Variants in TACC2 observed in about 807,000 individuals in gnomAD.
TACC2 encodes the protein transforming acidic coiled-coil containing protein 2.
A neutral mutation model predicts 227.3 loss-of-function variants in TACC2; 137 were observed. The observed-to-expected ratio is 0.60, with a 90% CI of 0.52 to 0.69. TACC2 has a LOEUF of 0.69. TACC2 is among the 30% of genes least tolerant of loss of function. TACC2 has a pLI of 0.00. For synonymous variants in TACC2, 1,523 were observed against 1,487.5 expected (o/e 1.02, Z -0.55); for missense variants, 3,470 against 3,694.4 (o/e 0.94, Z 1.57).
chr10:122,157,841 A>T (rs1309472588), intron 7 of TACC2, among the ~76,000 whole-genome samples: 2 of 121,132 alleles, frequency 1.7e-5, no homozygotes, highest in African/African-American at 6.2e-5. Flanking sequence ...TGGTGTGTTT[A>T]AAAAAAAAAG....
At chr10:122,215,542 C>A in intron 10 of TACC2, 91 bp downstream of exon 10, 1 of 1,114,924 alleles carries the variant, frequency 9.0e-7, no homozygotes, top group Non-Finnish European at 1.4e-6. Flanking sequence ...CTGCTCATCC[C>A]GGGCCTGTTT....
At chr10:122,048,539 T>C (rs72839677) in intron 2 of TACC2, among the ~76,000 whole-genome samples, 12,117 of 151,380 alleles carry the variant, frequency 0.08, 686 homozygotes, top group African/African-American at 0.15. Flanking sequence ...GTTTCTGTTT[T>C]GTAGAGATGG....
At chr10:122,169,367 A>G (rs974289468) in intron 7 of TACC2, among the ~76,000 whole-genome samples, 3 of 152,178 alleles carry the variant, frequency 2.0e-5, no homozygotes, top group African/African-American at 4.8e-5. Flanking sequence ...ACTTCTATAG[A>G]TAAGGAAACT....
chr10:122,055,391 G>A (rs1166789684), intron 3 of TACC2, among the ~76,000 whole-genome samples: 2 of 152,164 alleles, frequency 1.3e-5, no homozygotes, highest in Non-Finnish European at 2.9e-5. Flanking sequence ...AAAAAAGAAC[G>A]AGATCATGTC....
chr10:122,214,210 T>TACTCTC (rs2095355076), intron 9 of TACC2, among the ~76,000 whole-genome samples: 34 of 152,126 alleles, frequency 2.2e-4, no homozygotes, highest in Admixed American at 2.2e-3. Flanking sequence ...GCCCAAGGGA[T>TACTCTC]TTCTTGAGTA....
In TACC2 at chr10:122,087,789, C is replaced by G; in HGVS notation, c.5289C>G (p.Ala1763=). The G allele has an allele frequency of 1.9e-6, 3 of 1,595,074 alleles. No homozygotes were observed. In the South Asian group the frequency reaches 3.4e-5, roughly 18 times the overall value. ...CTCCGGGGATGGAGGGTACAGCTGC[C>G]CTTCATGGGGACAGCCCAGCCAGGC... is the stretch of plus-strand genomic sequence containing the variant. ...DKAPGMEGTA[A]LHGDSPARPQ... The change falls in exon 4 of 23, where the codon GCC becomes GCG. Residue 1763 remains alanine (A), a synonymous_variant. Coordinates refer to ENST00000369005, the MANE Select transcript of TACC2 (RefSeq NM_206862.4).
intron 2 of TACC2, chr10:122,023,450 G>A (rs1591162675): frequency 6.6e-6 from 1 of 151,912 alleles, no homozygotes; most frequent in African/African-American, 2.4e-5. Flanking sequence ...TGTGACCATG[G>A]AATACTATGC....
intron 11 of TACC2, among the ~76,000 whole-genome samples, chr10:122,220,468 A>G (rs1476252924): frequency 6.6e-6 from 1 of 152,158 alleles, no homozygotes. Flanking sequence ...TGTGGGCCCC[A>G]CTGCATCCAC....
At position 122,082,880 on chromosome 10, in the gene TACC2, C is replaced by T. The variant is rs528115484; in HGVS notation, c.380C>T (p.Ala127Val). The T allele has an allele frequency of 1.5e-5, 24 of 1,613,356 alleles. No homozygotes were observed. The highest frequency in any genetic ancestry group is 6.7e-5 in the African/African-American group (5 of 75,016). ...GAAGGTTGCTTGGCAAGTCCAGCAG[C>T]GGCACCTGAAGATGGTCCTCAGACT... ...PPEGCLASPA[A>V]APEDGPQTQS... The change falls in exon 4 of 23, where the codon GCG becomes GTG. Residue 127 changes from alanine (A) to valine (V), a missense_variant. Transcript: ENST00000369005.
intron 5 of TACC2, among the ~76,000 whole-genome samples, chr10:122,104,566 T>A (rs2137738968): frequency 6.6e-6 from 1 of 152,254 alleles, no homozygotes; most frequent in South Asian, 2.1e-4. Context: ...AGACAGGGTT[T>A]CACCATATTG....
chr10:122,134,901 A>G (rs1399625711), intron 6 of TACC2, among the ~76,000 whole-genome samples: 1 of 152,190 alleles, frequency 6.6e-6, no homozygotes, highest in Admixed American at 6.5e-5. Context: ...CATGCCTGAG[A>G]CTGCATGTTT....
chr10:122,227,870 C>A lies in TACC2; in HGVS notation c.7758C>A (p.Asn2586Lys). 1 of 1,614,172 alleles carries A rather than the reference C, an allele frequency of 6.2e-7. No individual in the cohort carries two copies. Among genetic ancestry groups the A allele is most frequent in the South Asian group, 1.1e-5 (1 of 91,078 alleles). The change falls in exon 14 of 23, where the codon AAC becomes AAA. Residue 2586 changes from asparagine (N) to lysine (K), a missense_variant. By Grantham distance (94) the Asn-to-Lys change is moderately conservative. Around this residue, in one of 10 missense-constraint regions of TACC2, gnomAD observed 345 missense variants for 354.4 expected, o/e 0.97. Coordinates refer to ENST00000369005, the MANE Select transcript of TACC2 (RefSeq NM_206862.4). The part of the protein sequence containing the change: ...SSFEETEALV[N>K]TAAKNQHPVP... ...TTGAAGAGACTGAAGCCCTTGTGAA[C>A]ACTGCTGCGAAAAACCAGCATCCTG...
chr10:122,016,829 TGTGATTGCCTTTG>T (rs1479670316), intron 1 of TACC2, among the ~76,000 whole-genome samples: 2 of 152,164 alleles, frequency 1.3e-5, no homozygotes, highest in East Asian at 3.9e-4. Context: ...TACCTTAGAA[TGTGATTGCCTTTG>T]GAGATAAGAC....
intron 2 of TACC2, among the ~76,000 whole-genome samples, chr10:122,036,785 T>C: frequency 6.6e-6 from 1 of 152,204 alleles, no homozygotes; most frequent in East Asian, 1.9e-4. Flanking sequence ...TTCTATTCTT[T>C]TGGGTATATA....
Position 122,215,484 on chromosome 10 carries a change from G to GC in TACC2, c.7344+41dup, listed in dbSNP as rs367907494. On this transcript the variant is annotated intron_variant, in intron 10 of 22. Coordinates refer to ENST00000369005, the MANE Select transcript of TACC2 (RefSeq NM_206862.4). ...GTTCCTTTGATCTTGATGGTTTTAT[G>GC]CCCCCCCCGGGGGAGGTTTTCTTCG... The GC allele has an allele frequency of 1.1e-3, 1,751 of 1,575,046 alleles. 2 individuals carry two copies. Among genetic ancestry groups the GC allele is most frequent in the East Asian group, 8.3e-3 (368 of 44,430 alleles).
In TACC2 at chr10:122,152,999, C is replaced by CT. The variant is rs150943859; in HGVS notation, c.5834+9303dup. Among the ~76,000 whole-genome samples, 17 of 135,032 alleles carry CT rather than the reference C, an allele frequency of 1.3e-4. 1 individual carries two copies. The highest frequency in any genetic ancestry group is 3.2e-4 in the African/African-American group (12 of 37,616). 88.6% of individuals were successfully genotyped at this position (135,032 alleles called of 152,430 possible). On this transcript the variant is annotated intron_variant, in intron 7 of 22. Coordinates refer to ENST00000369005, the MANE Select transcript of TACC2 (RefSeq NM_206862.4). ...GCTTTTGATATATATTTCTTTCTTT[C>CT]TTTTTTTTTTGAGACGGAGTCTCAC...
Position 122,050,362 on chromosome 10 carries a change from C to G in TACC2, c.34-76C>G. On this transcript the variant is annotated intron_variant, in intron 2 of 22. Transcript: ENST00000369005. This position sits in a 1 kb window ranked among gnomAD's most constrained non-coding sequence, Gnocchi z 4.6. ...TTACCTTGAATGCTGTGGTGGGTGC[C>G]CTGTTGATAAATGTTTTTGTGTTTT... 1 of 1,131,304 alleles carries G rather than the reference C, an allele frequency of 8.8e-7. No homozygotes were observed. The highest frequency in any genetic ancestry group is 2.0e-5 in the Admixed American group (1 of 50,048). 70.1% of individuals were successfully genotyped at this position (1,131,304 alleles called of 1,614,324 possible). A position where few individuals can be genotyped will look rare whatever the true frequency, so the allele number is the denominator to read the frequency against.
chr10:122,227,302 G>A (rs1289962257), intron 13 of TACC2, among the ~76,000 whole-genome samples: 1 of 152,196 alleles, frequency 6.6e-6, no homozygotes, highest in African/African-American at 2.4e-5. Context: ...ATTTGGACCA[G>A]CCTATTTTTG....
At chr10:122,105,500 C>G (rs961234261) in intron 5 of TACC2, among the ~76,000 whole-genome samples, 25 of 152,312 alleles carry the variant, frequency 1.6e-4, no homozygotes, top group African/African-American at 5.8e-4. Flanking sequence ...ACATCATAAC[C>G]TCAGGTTCTT....
Sources: gnomAD v4.1 joint callset for allele counts (sites outside exome capture counted in the v4.1 genomes callset) on GRCh38, gnomAD v4.1.1 for gene constraint, gnomAD v4.1.1 regional missense constraint, Gnocchi (gnomAD v3.1) non-coding constraint, MANE v1.5 for transcripts, NCBI Gene and HGNC (gene_info 2026-07-23, HGNC 2026-07-21) for gene names.